SUGCT: variants seen among roughly 807,000 people sequenced by gnomAD.
The protein encoded by SUGCT is succinyl-CoA:glutarate-CoA transferase, also known as succinyl-CoA:glutarate CoA-transferase.
In SUGCT, 41 loss-of-function variants were observed where a neutral mutation model predicts 55.0. The observed-to-expected ratio is 0.74, with a 90% CI of 0.58 to 0.97. The LOEUF is 0.97. SUGCT is among the 50% of genes least tolerant of loss of function. The pLI is 0.00. For synonymous variants in SUGCT, 187 were observed against 200.4 expected (o/e 0.93, Z 0.56); for missense variants, 568 against 547.8 (o/e 1.04, Z -0.37).
chr7:40,474,567 A>C (rs1186791449), intron 11 of SUGCT, among the ~76,000 whole-genome samples: 2 of 152,144 alleles, frequency 1.3e-5, no homozygotes, highest in Admixed American at 1.3e-4. Context: ...GGCGTTTGGA[A>C]AGGAAAGCTG....
At chr7:40,730,228 C>T (rs907627871) in intron 12 of SUGCT, among the ~76,000 whole-genome samples, 5 of 152,108 alleles carry the variant, frequency 3.3e-5, no homozygotes, top group African/African-American at 7.2e-5. Flanking sequence ...CTGCCTCAGC[C>T]TCCTGAGTAC....
At chr7:40,675,965 C>T (rs189161517) in intron 12 of SUGCT, among the ~76,000 whole-genome samples, 1 of 152,150 alleles carries the variant, frequency 6.6e-6, no homozygotes, top group Middle Eastern at 3.4e-3. Context: ...GTCAGGGAGA[C>T]CAGTGAGGTG....
chr7:40,311,925 A>G (rs1302624134), intron 8 of SUGCT, among the ~76,000 whole-genome samples: 5 of 152,210 alleles, frequency 3.3e-5, no homozygotes, highest in Non-Finnish European at 2.9e-5. Flanking sequence ...AATAAGTCTT[A>G]CCTTGAAATA....
chr7:40,377,300 T>G (rs997072806), intron 9 of SUGCT, among the ~76,000 whole-genome samples: 1 of 147,094 alleles, frequency 6.8e-6, no homozygotes, highest in Non-Finnish European at 1.5e-5. Context: ...TGGAGTGCAG[T>G]GGCATGATCT....
At chr7:40,314,188 C>T (rs1042619099) in intron 8 of SUGCT, among the ~76,000 whole-genome samples, 3 of 152,170 alleles carry the variant, frequency 2.0e-5, no homozygotes, top group Admixed American at 1.3e-4. Flanking sequence ...TCCAGTTCTT[C>T]CCTATCCCTG....
intron 7 of SUGCT, among the ~76,000 whole-genome samples, chr7:40,241,480 G>A (rs2150890717): frequency 6.6e-6 from 1 of 151,368 alleles, no homozygotes; most frequent in East Asian, 1.9e-4. Flanking sequence ...CCGGAAGGCT[G>A]AAGCAAGAGA....
chr7:40,514,957 A>G (rs188574996), intron 12 of SUGCT, among the ~76,000 whole-genome samples: 1 of 152,234 alleles, frequency 6.6e-6, no homozygotes, highest in African/African-American at 2.4e-5. Flanking sequence ...GAATATCCTG[A>G]AAGTGGTTAG....
chr7:40,890,266 A>G, the SUGCT span, among the ~76,000 whole-genome samples: 1 of 143,722 alleles, frequency 7.0e-6, no homozygotes, highest in African/African-American at 2.5e-5. Flanking sequence ...TTTATATTAT[A>G]TAATATAAAT....
chr7:40,636,100 A>G (rs74970878), intron 12 of SUGCT, among the ~76,000 whole-genome samples: 4,112 of 152,260 alleles, frequency 0.027, 162 homozygotes, highest in African/African-American at 0.095. Context: ...CTACCCCTAC[A>G]TTTTGGACAC....
chr7:40,193,280 G>GGTTTTTT (rs1554286577), intron 5 of SUGCT, among the ~76,000 whole-genome samples: 2 of 87,144 alleles, frequency 2.3e-5, no homozygotes, highest in Non-Finnish European at 4.2e-5. Flanking sequence ...CAATTACTGT[G>GGTTTTTT]TTTTTTTTTT....
the SUGCT span, among the ~76,000 whole-genome samples, chr7:40,932,700 A>T: frequency 2.1e-5 from 3 of 146,020 alleles, no homozygotes; most frequent in South Asian, 6.5e-4. Context: ...GTCTCTTTTG[A>T]TCTTTGTTGG....
chr7:40,248,894 A>ACG (rs1790102603), intron 7 of SUGCT, among the ~76,000 whole-genome samples: 1 of 124,226 alleles, frequency 8.0e-6, no homozygotes, highest in African/African-American at 3.0e-5. Flanking sequence ...GCTCGCACAC[A>ACG]CACACACACA....
At chr7:40,148,357 A>G (rs899315444) in intron 1 of SUGCT, among the ~76,000 whole-genome samples, 11 of 152,184 alleles carry the variant, frequency 7.2e-5, no homozygotes, top group Non-Finnish European at 1.2e-4. Context: ...TGGAAAGGTA[A>G]AACCTGGCCG....
the SUGCT span, among the ~76,000 whole-genome samples, chr7:41,022,400 A>G: frequency 6.6e-6 from 1 of 152,200 alleles, no homozygotes; most frequent in Non-Finnish European, 1.5e-5. Context: ...TTTTCAGATA[A>G]ACAATGAATG....
intron 9 of SUGCT, among the ~76,000 whole-genome samples, chr7:40,366,327 G>A (rs1293190907): frequency 6.6e-6 from 1 of 152,114 alleles, no homozygotes; most frequent in Non-Finnish European, 1.5e-5. Flanking sequence ...GAAAACCTAG[G>A]CATTACCATT....
At chr7:40,622,528 GTT>G (rs370877783) in intron 12 of SUGCT, among the ~76,000 whole-genome samples, 92 of 81,826 alleles carry the variant, frequency 1.1e-3, no homozygotes, top group Middle Eastern at 0.01. Flanking sequence ...TGTTGTGGTT[GTT>G]TTTTTTTTTT....
chr7:40,645,931 T>C (rs1800483445), intron 12 of SUGCT, among the ~76,000 whole-genome samples: 1 of 152,208 alleles, frequency 6.6e-6, no homozygotes, highest in African/African-American at 2.4e-5. Flanking sequence ...CAGACATGGA[T>C]ATCTAACTGC....
chr7:40,208,576 G>C (rs1220450385), intron 6 of SUGCT, among the ~76,000 whole-genome samples: 1 of 142,730 alleles, frequency 7.0e-6, no homozygotes, highest in Non-Finnish European at 1.5e-5. Flanking sequence ...TTTTTTTCTT[G>C]CTCTGTTGCC....
chr7:40,257,459 A>G (rs1166180858), intron 7 of SUGCT, among the ~76,000 whole-genome samples: 1 of 152,212 alleles, frequency 6.6e-6, no homozygotes, highest in Non-Finnish European at 1.5e-5. Context: ...AACATCAACA[A>G]ACTGAAAACA....
Sources: gnomAD v4.1 joint callset for allele counts (sites outside exome capture counted in the v4.1 genomes callset) on GRCh38, gnomAD v4.1.1 for gene constraint, MANE v1.5 for transcripts, NCBI Gene and HGNC (gene_info 2026-07-23, HGNC 2026-07-21) for gene names.